Variants in CEP112 observed in about 807,000 individuals in gnomAD.
CEP112 encodes the protein centrosomal protein of 112 kDa.
In CEP112, 127 loss-of-function variants were observed where a neutral mutation model predicts 153.0. That is an observed-to-expected ratio of 0.83 (90% confidence interval 0.72 to 0.96). The LOEUF (loss-of-function observed/expected upper bound fraction) is 0.96. CEP112 is among the 40% of genes least tolerant of loss of function. The probability of loss-of-function intolerance (pLI) is 0.00; values close to 1 mark genes in which losing one functional copy is unlikely to be tolerated. For synonymous variants in CEP112, 358 were observed against 374.4 expected, an observed-to-expected ratio of 0.96 and a Z score of 0.51; for missense variants, 1,089 against 1,101.2, an observed-to-expected ratio of 0.99 and a Z score of 0.16.
At chr17:65,710,541 T>C (rs972261126) in intron 23 of CEP112, among the ~76,000 whole-genome samples, 6 of 152,218 alleles carry the variant, frequency 3.9e-5, no homozygotes, top group Non-Finnish European at 7.3e-5. Context: ...TTTCCTGGCC[T>C]TTCCTTGCCC....
At chr17:65,965,962 G>T (rs7220927) in intron 17 of CEP112, among the ~76,000 whole-genome samples, 72,973 of 151,866 alleles carry the variant, frequency 0.48, 18,526 homozygotes, top group East Asian at 0.89. Flanking sequence ...TCTGCTCCTA[G>T]CACAGGAACA....
At chr17:65,898,328 A>T (rs1040385873) in intron 20 of CEP112, among the ~76,000 whole-genome samples, 7 of 152,124 alleles carry the variant, frequency 4.6e-5, no homozygotes, top group Non-Finnish European at 7.4e-5. Flanking sequence ...GCACACACTC[A>T]GTTTATAAAT....
intron 19 of CEP112, among the ~76,000 whole-genome samples, chr17:65,916,613 CA>C (rs1289914666): frequency 1.3e-5 from 2 of 151,192 alleles, no homozygotes; most frequent in Non-Finnish European, 2.9e-5. Context: ...GTGGTGCTAT[CA>C]AAGCTCACTG....
intron 19 of CEP112, among the ~76,000 whole-genome samples, chr17:65,905,151 T>C (rs539469601): frequency 2.0e-5 from 3 of 152,178 alleles, no homozygotes; most frequent in African/African-American, 7.2e-5. Context: ...GAAACTATCA[T>C]CAGAGTGAAC....
chr17:66,069,250 TG>T, intron 9 of CEP112, among the ~76,000 whole-genome samples: 1 of 151,966 alleles, frequency 6.6e-6, no homozygotes, highest in Admixed American at 6.6e-5. Context: ...TCAACCTCCA[TG>T]TATTTCAAAA....
At chr17:66,057,942 A>G (rs1256279411) in intron 11 of CEP112, among the ~76,000 whole-genome samples, 1 of 151,912 alleles carries the variant, frequency 6.6e-6, no homozygotes, top group Non-Finnish European at 1.5e-5. Flanking sequence ...AAACTACAAA[A>G]ATTAGCCAGG....
chr17:65,868,069 AGAG>A (rs1321463657), intron 20 of CEP112, among the ~76,000 whole-genome samples: 1 of 152,002 alleles, frequency 6.6e-6, no homozygotes, highest in African/African-American at 2.4e-5. Context: ...AATATAAAGA[AGAG>A]ATATTCTTTC....
At chr17:65,993,793 A>G (rs1400710961) in intron 17 of CEP112, among the ~76,000 whole-genome samples, 1 of 152,172 alleles carries the variant, frequency 6.6e-6, no homozygotes, top group African/African-American at 2.4e-5. Flanking sequence ...AAAAATAGAT[A>G]AAAAGTGAAA....
chr17:65,871,325 A>G (rs1172916321), intron 20 of CEP112, among the ~76,000 whole-genome samples: 4 of 151,872 alleles, frequency 2.6e-5, no homozygotes, highest in African/African-American at 9.7e-5. Flanking sequence ...CACTGTGTTC[A>G]CTCTGTGCAA....
Position 65,650,927 on chromosome 17 carries a change from T to C in CEP112, c.2698-9862A>G, listed in dbSNP as rs1227085422. Among the ~76,000 whole-genome samples the C allele has an allele frequency of 2.6e-5, 4 of 151,754 alleles. No individual in the cohort carries two copies. In the East Asian group the frequency reaches 5.8e-4, roughly 22 times the overall value. ...TTTTCTCTCTTTCTCTATATATTTT[T>C]TATGTATATATATATTTTATTTCCA... is the stretch of plus-strand genomic sequence containing the variant. On this transcript the variant is annotated intron_variant, in intron 24 of 26. Transcript: ENST00000535342.
intron 19 of CEP112, among the ~76,000 whole-genome samples, chr17:65,918,381 G>A (rs1301561793): frequency 6.6e-6 from 1 of 152,184 alleles, no homozygotes; most frequent in East Asian, 1.9e-4. Flanking sequence ...TTGCTACTGT[G>A]TTTGCTAACA....
intron 21 of CEP112, among the ~76,000 whole-genome samples, chr17:65,846,288 T>A (rs1179759022): frequency 6.6e-6 from 1 of 152,174 alleles, no homozygotes; most frequent in Non-Finnish European, 1.5e-5. Flanking sequence ...TTATTCAAAC[T>A]CACAGTAAAA....
intron 20 of CEP112, among the ~76,000 whole-genome samples, chr17:65,863,486 G>C (rs1025753363): frequency 2.0e-5 from 3 of 152,128 alleles, no homozygotes; most frequent in Non-Finnish European, 4.4e-5. Context: ...AAACAAAATG[G>C]GCCGGGCGCG....
chr17:65,827,109 G>C (rs1347617340), intron 21 of CEP112, among the ~76,000 whole-genome samples: 1 of 152,212 alleles, frequency 6.6e-6, no homozygotes, highest in Non-Finnish European at 1.5e-5. Flanking sequence ...TCAGCTTTTA[G>C]AGTCTTGGAC....
intron 12 of CEP112, among the ~76,000 whole-genome samples, chr17:66,044,870 TA>T (rs920257190): frequency 6.6e-6 from 1 of 151,818 alleles, no homozygotes; most frequent in African/African-American, 2.4e-5. Flanking sequence ...GTCTATTCAA[TA>T]AAAAAAGAAT....
At chr17:65,964,427 GT>G (rs2062334812) in intron 17 of CEP112, among the ~76,000 whole-genome samples, 1 of 152,194 alleles carries the variant, frequency 6.6e-6, no homozygotes, top group African/African-American at 2.4e-5. Context: ...ATATTATTCT[GT>G]TCAAGAACAG....
rs573811024 is a variant in CEP112, at chr17:65,993,104, C to G, written c.1736+12586G>C. 5.9e-5 allele frequency among the ~76,000 whole-genome samples: 9 copies of G among 152,256 alleles called. No individual in the cohort carries two copies. In the South Asian group the frequency reaches 1.9e-3, roughly 32 times the overall value. On this transcript the variant is annotated intron_variant, in intron 17 of 26. Transcript: ENST00000535342. ...TGCTCTCTCTCCCCCACCTCACCCC[C>G]TAACAGGGCCCAGTGTGTGTTGTTC...
At chr17:66,037,207 T>C (rs2065775421) in intron 12 of CEP112, among the ~76,000 whole-genome samples, 1 of 152,222 alleles carries the variant, frequency 6.6e-6, no homozygotes, top group Non-Finnish European at 1.5e-5. Flanking sequence ...TTCTTAAACA[T>C]ATACTTTAGT....
intron 19 of CEP112, among the ~76,000 whole-genome samples, chr17:65,909,367 G>C (rs1329584408): frequency 6.6e-6 from 1 of 152,186 alleles, no homozygotes; most frequent in Non-Finnish European, 1.5e-5. Context: ...GGGAGTCACA[G>C]TTAGATGCCC....
Sources: allele counts gnomAD v4.1 joint callset (sites outside exome capture counted in the v4.1 genomes callset), GRCh38; gene constraint gnomAD v4.1.1; transcripts MANE v1.5; gene names NCBI Gene and HGNC (gene_info 2026-07-23, HGNC 2026-07-21).